The following NCOR2 variants were observed in gnomAD, a reference collection of about 807,000 sequenced individuals.
NCOR2 encodes the protein CTG repeat protein 26.
Under a neutral mutation model 262.9 loss-of-function variants are expected in NCOR2, and 81 were observed. The observed-to-expected ratio is 0.31, with a 90% CI of 0.26 to 0.37. NCOR2 has a LOEUF of 0.37. Ranked by LOEUF, NCOR2 falls within the 10% of genes least tolerant of loss-of-function variation. NCOR2 has a pLI of 1.00. For missense variants in NCOR2, 3,385 were observed against 3,621.4 expected (o/e 0.93, Z 1.68); for synonymous variants, 1,659 against 1,559.3 (o/e 1.06, Z -1.51).
rs2137252077 is a variant in NCOR2 at position 124,549,280 on chromosome 12, G to T, written c.-164-13669C>A. On this transcript the variant is annotated intron_variant, in intron 1 of 32. Transcript: ENST00000458234. This position sits in a 1 kb window ranked among gnomAD's most constrained non-coding sequence, Gnocchi z 4.4. ...CACGCAGCTGAGGGGCTGGCGGTGG[G>T]AGGGGCAGGGCCGCGGCTGGAGGAT... Among the ~76,000 whole-genome samples, 1 of 152,080 alleles carries T rather than the reference G, an allele frequency of 6.6e-6. No individual in the cohort carries two copies. Among genetic ancestry groups the T allele is most frequent in the South Asian group, 2.1e-4 (1 of 4,802 alleles).
chr12:124,515,838 T>C (rs931060314), intron 1 of NCOR2, among the ~76,000 whole-genome samples: 1 of 152,202 alleles, frequency 6.6e-6, no homozygotes, highest in African/African-American at 2.4e-5. Flanking sequence ...TTATCACATG[T>C]GCAGACTCCA....
chr12:124,390,466 C>A (rs1198333977), intron 16 of NCOR2, among the ~76,000 whole-genome samples: 1 of 149,204 alleles, frequency 6.7e-6, no homozygotes, highest in South Asian at 2.1e-4. Context: ...CCTTGCCCGC[C>A]CCTCCAAAGT....
upstream of NCOR2, among the ~76,000 whole-genome samples, chr12:124,540,163 G>A (rs117536365): frequency 3.5e-4 from 52 of 146,742 alleles, no homozygotes; most frequent in East Asian, 0.012. Flanking sequence ...CAAGGTGATT[G>A]CAAAGAGTGG....
At chr12:124,394,509 T>C (rs570851021) in intron 16 of NCOR2, among the ~76,000 whole-genome samples, 2 of 152,216 alleles carry the variant, frequency 1.3e-5, no homozygotes, top group African/African-American at 4.8e-5. Flanking sequence ...AAAAGGATGT[T>C]TGCAGATGTG....
At position 124,523,102 on chromosome 12, in the gene NCOR2, A is replaced by G. The variant is rs59764454; in HGVS notation, c.-118+12463T>C. On this transcript the variant is annotated intron_variant, in intron 1 of 46. Coordinates refer to the NCOR2 transcript ENST00000404621. This position sits in a 1 kb window ranked among gnomAD's most constrained non-coding sequence, Gnocchi z 4.0. The stretch of plus-strand genomic sequence containing the variant: ...GGATTCTTCTCCACAAAAGCATCAA[A>G]ATGAAGCCCTGACCACGTTGGCTAA... Among the ~76,000 whole-genome samples the G allele has an allele frequency of 0.076, 11,634 of 152,230 alleles. 1,460 individuals carry two copies. The highest frequency in any genetic ancestry group is 0.26 in the African/African-American group (10,947 of 41,514).
chr12:124,552,350 A>G (rs961645530), intron 1 of NCOR2, among the ~76,000 whole-genome samples: 3 of 152,074 alleles, frequency 2.0e-5, no homozygotes, highest in African/African-American at 7.2e-5. Context: ...AGAGAAAAGA[A>G]TAAAGAAAGC....
intron 13 of NCOR2, among the ~76,000 whole-genome samples, chr12:124,409,875 C>T (rs961346857): frequency 1.3e-5 from 2 of 151,980 alleles, no homozygotes; most frequent in Admixed American, 1.3e-4. Flanking sequence ...GATGGGGTCT[C>T]ACCATGTTGC....
At chr12:124,468,154 T>C (rs2046592949) in intron 4 of NCOR2, among the ~76,000 whole-genome samples, 1 of 54,776 alleles carries the variant, frequency 1.8e-5, no homozygotes, top group Non-Finnish European at 3.4e-5. Flanking sequence ...ATCACCCTCA[T>C]CCTCATCACC....
intron 3 of NCOR2, among the ~76,000 whole-genome samples, chr12:124,479,174 G>A (rs2047263588): frequency 6.6e-6 from 1 of 152,220 alleles, no homozygotes; most frequent in Admixed American, 6.5e-5. Flanking sequence ...CCACTCAGGG[G>A]TTGGTCACCC....
intron 1 of NCOR2, among the ~76,000 whole-genome samples, chr12:124,501,058 GCGCGCACACACACACACACACA>G (rs1680892505): frequency 1.5e-5 from 1 of 66,258 alleles, no homozygotes; most frequent in African/African-American, 5.2e-5. Context: ...GCGCGCGCAC[GCGCGCACACACACACACACACA>G]CACACACACA....
intron 1 of NCOR2, among the ~76,000 whole-genome samples, chr12:124,562,909 G>A (rs112085283): frequency 0.023 from 3,538 of 152,122 alleles, 66 homozygotes; most frequent in South Asian, 0.073. Context: ...TGTGTCCTGC[G>A]ACACACAGGA....
At chr12:124,489,983 C>T (rs940853965) in intron 1 of NCOR2, among the ~76,000 whole-genome samples, 5 of 152,142 alleles carry the variant, frequency 3.3e-5, no homozygotes, top group African/African-American at 1.2e-4. Flanking sequence ...GAATTCAGCC[C>T]GTTCCTGGAC....
chr12:124,468,322 CCCTCATCAT>C (rs2046613359), intron 4 of NCOR2, among the ~76,000 whole-genome samples: 1 of 32,138 alleles, frequency 3.1e-5, no homozygotes, highest in African/African-American at 8.9e-5. Flanking sequence ...ATCCTCATCA[CCCTCATCAT>C]CCTCATCCTC....
chr12:124,562,690 C>G (rs1400657926), intron 1 of NCOR2, among the ~76,000 whole-genome samples: 1 of 152,152 alleles, frequency 6.6e-6, no homozygotes, highest in East Asian at 1.9e-4. Context: ...GGGAAAGGAG[C>G]CCACCGTCTC....
chr12:124,348,114 G>T, intron 29 of NCOR2, 60 bp downstream of exon 31: 1 of 1,598,998 alleles, frequency 6.3e-7, no homozygotes, highest in South Asian at 1.1e-5. Flanking sequence ...AACGGGGTCA[G>T]CCATCCCCCC....
intron 31 of NCOR2, among the ~76,000 whole-genome samples, chr12:124,346,253 C>T (rs540487896): frequency 1.1e-4 from 16 of 152,326 alleles, no homozygotes; most frequent in South Asian, 8.3e-4. Context: ...AAAGATTCAA[C>T]GGAGGCAGTT....
At chr12:124,522,180 T>C (rs2050225239) in intron 1 of NCOR2, among the ~76,000 whole-genome samples, 1 of 152,206 alleles carries the variant, frequency 6.6e-6, no homozygotes, top group African/African-American at 2.4e-5. Flanking sequence ...GAGCCCCTAC[T>C]GTATGTGCTG....
chr12:124,480,617 A>G (rs2047399856), intron 3 of NCOR2, among the ~76,000 whole-genome samples: 1 of 151,980 alleles, frequency 6.6e-6, no homozygotes, highest in Non-Finnish European at 1.5e-5. Context: ...TGTTTCAAAG[A>G]GGAGTGAAAT....
In NCOR2 at chr12:124,503,387, AGGAGGAAGGGAG is replaced by A. The variant is rs1036238451; in HGVS notation, c.-117-8031_-117-8020del. Among the ~76,000 whole-genome samples, 1 of 152,150 alleles carries A rather than the reference AGGAGGAAGGGAG, an allele frequency of 6.6e-6. No homozygotes were observed. Among genetic ancestry groups the A allele is most frequent in the African/African-American group, 2.4e-5 (1 of 41,436 alleles). ...ATAGAGATGGGAGGATGGAGGAGAA[AGGAGGAAGGGAG>A]GGAGGAAAGGAGGATGGATGGATGA... On this transcript the variant is annotated intron_variant, in intron 1 of 46. Transcript: ENST00000404621. The surrounding 1 kb of genome is among the most constrained non-coding windows in gnomAD (Gnocchi z 4.3).
Sources: allele counts gnomAD v4.1 joint callset (sites outside exome capture counted in the v4.1 genomes callset), GRCh38; gene constraint gnomAD v4.1.1; non-coding constraint Gnocchi (gnomAD v3.1); transcripts MANE v1.5; gene names NCBI Gene and HGNC (gene_info 2026-07-23, HGNC 2026-07-21).